EVA1A: variants seen among roughly 807,000 people sequenced by gnomAD.
EVA1A encodes the protein protein eva-1 homolog A.
Under a neutral mutation model 9.8 loss-of-function variants are expected in EVA1A, and 7 were observed. The observed-to-expected ratio is 0.71, with a 90% CI of 0.41 to 1.34. EVA1A has a LOEUF of 1.34. EVA1A is among the 40% of genes most tolerant of loss of function. The pLI is 0.01. For missense variants in EVA1A, 206 were observed against 205.9 expected (o/e 1.00, Z 0.00); for synonymous variants, 90 against 85.6 (o/e 1.05, Z -0.28).
rs77744835 is a variant in EVA1A, at chr2:75,540,145, G to A, written c.-191-17658C>T. On this transcript the variant is annotated intron_variant, in intron 1 of 3. Coordinates refer to ENST00000393913, the MANE Select transcript of EVA1A (RefSeq NM_001135032.2). ...AAGGCAGCCTTCCAGGTCAGCCCCTGCTATCAAGGGCAAAGCAGGAATCAG... is the reference window on the plus strand; with the variant it reads ...AAGGCAGCCTTCCAGGTCAGCCCCTACTATCAAGGGCAAAGCAGGAATCAG... 8.4e-4 allele frequency among the ~76,000 whole-genome samples: 128 copies of A among 152,362 alleles called. 2 individuals are homozygous for A. The highest frequency in any genetic ancestry group is 3.0e-3 in the African/African-American group (123 of 41,590).
chr2:75,517,964 A>T, intron 3 of EVA1A, 92 bp downstream of exon 3: 1 of 1,436,552 alleles, frequency 7.0e-7, no homozygotes, highest in South Asian at 1.2e-5. Context: ...GTGTGTCTTT[A>T]CTGAGAATAA....
At chr2:75,555,587 C>A (rs1360505428) in intron 1 of EVA1A, among the ~76,000 whole-genome samples, 1 of 152,106 alleles carries the variant, frequency 6.6e-6, no homozygotes, top group African/African-American at 2.4e-5. Flanking sequence ...CTCTCCCTGA[C>A]CCGTGGGCTC....
chr2:75,566,192 A>G (rs971667341), intron 1 of EVA1A, among the ~76,000 whole-genome samples: 1 of 152,246 alleles, frequency 6.6e-6, no homozygotes, highest in Non-Finnish European at 1.5e-5. Flanking sequence ...CAAAGGTCAA[A>G]GAATGCAGTA....
At chr2:75,528,385 C>G (rs1675528042) in intron 1 of EVA1A, among the ~76,000 whole-genome samples, 1 of 152,188 alleles carries the variant, frequency 6.6e-6, no homozygotes, top group African/African-American at 2.4e-5. Flanking sequence ...GGGGCAAGAT[C>G]TCAGCCCTGT....
At chr2:75,520,354 C>T (rs1055018987) in intron 2 of EVA1A, among the ~76,000 whole-genome samples, 1 of 152,126 alleles carries the variant, frequency 6.6e-6, no homozygotes, top group Admixed American at 6.5e-5. Flanking sequence ...TACTGAAATT[C>T]ATATGGAATC....
rs558954883 is a variant in EVA1A at position 75,538,370 on chromosome 2, A to G, written c.-191-15883T>C. Among the ~76,000 whole-genome samples, 5 of 152,308 alleles carry G rather than the reference A, an allele frequency of 3.3e-5. No individual in the cohort carries two copies. In the South Asian group the frequency reaches 1.0e-3, roughly 32 times the overall value. On this transcript the variant is annotated intron_variant, in intron 1 of 3. Coordinates refer to ENST00000393913, the MANE Select transcript of EVA1A (RefSeq NM_001135032.2). ...AGGCAACATAAACTTACAAAAATCA[A>G]CTGTATTTCCATATACTAAGAGTGA...
chr2:75,517,949 A>T, intron 3 of EVA1A, 107 bp downstream of exon 3: 2 of 1,277,166 alleles, frequency 1.6e-6, no homozygotes, highest in Non-Finnish European at 2.2e-6. Context: ...AGCTTTGATT[A>T]CGTAGTGTGT....
chr2:75,558,033 C>A (rs1194833080), intron 1 of EVA1A, among the ~76,000 whole-genome samples: 1 of 152,246 alleles, frequency 6.6e-6, no homozygotes, highest in African/African-American at 2.4e-5. Context: ...TGAATCTTGG[C>A]CCTACCGCTC....
At chr2:75,529,199 T>G (rs1320889339) in intron 1 of EVA1A, among the ~76,000 whole-genome samples, 3 of 151,988 alleles carry the variant, frequency 2.0e-5, no homozygotes, top group Non-Finnish European at 4.4e-5. Flanking sequence ...ACCCTAACAC[T>G]AACCTTAAAT....
At chr2:75,534,937 T>C (rs968734877) in intron 1 of EVA1A, among the ~76,000 whole-genome samples, 2 of 152,184 alleles carry the variant, frequency 1.3e-5, no homozygotes, top group African/African-American at 2.4e-5. Context: ...TGGTGAGAGA[T>C]AGGGATCCAG....
rs13013055 is a variant in EVA1A at position 75,527,793 on chromosome 2, C to T, written c.-191-5306G>A. Among the ~76,000 whole-genome samples, 1,320 of 152,186 alleles carry T rather than the reference C, an allele frequency of 8.7e-3. 10 individuals carry two copies. The highest frequency in any genetic ancestry group is 0.014 in the Non-Finnish European group (931 of 67,996). On this transcript the variant is annotated intron_variant, in intron 1 of 3. Transcript: ENST00000393913. ...CAATAATGAGGAGTGTTTGGAGACT[C>T]ACATTGTGAAATTTTGCTCCAAGAA...
chr2:75,537,808 A>G (rs1675969417), intron 1 of EVA1A, among the ~76,000 whole-genome samples: 1 of 152,162 alleles, frequency 6.6e-6, no homozygotes, highest in Admixed American at 6.5e-5. Flanking sequence ...TTCTTACCAT[A>G]CAACATGCCT....
chr2:75,566,782 T>G (rs1677036511), intron 1 of EVA1A, among the ~76,000 whole-genome samples: 1 of 152,336 alleles, frequency 6.6e-6, no homozygotes, highest in South Asian at 2.1e-4. Context: ...TAATGATAGG[T>G]TTTTAATCAA....
rs543734865 is a variant in EVA1A at position 75,493,699 on chromosome 2, A to C, written c.86-90T>G. 559 of 1,280,214 alleles carry C rather than the reference A, an allele frequency of 4.4e-4. 5 individuals carry two copies. In the South Asian group the frequency reaches 8.7e-3, roughly 20 times the overall value. 79.3% of individuals were successfully genotyped at this position (1,280,214 alleles called of 1,614,324 possible). A position where few individuals can be genotyped will look rare whatever the true frequency, so the allele number is the denominator to read the frequency against. On this transcript the variant is annotated intron_variant, in intron 3 of 3. Transcript: ENST00000393913. ...ATGACTCCAGCCTACACTTCTCACC[A>C]GGCCCCAAAGTTTTGATGGTTACAA...
At chr2:75,531,987 G>A (rs1178098588) in intron 1 of EVA1A, among the ~76,000 whole-genome samples, 1 of 151,588 alleles carries the variant, frequency 6.6e-6, no homozygotes, top group Non-Finnish European at 1.5e-5. Context: ...GTGAAACCCC[G>A]TCTCTACTAA....
intron 1 of EVA1A, among the ~76,000 whole-genome samples, chr2:75,532,333 G>T (rs1005145174): frequency 6.6e-6 from 1 of 152,106 alleles, no homozygotes; most frequent in Non-Finnish European, 1.5e-5. Context: ...TTGTAACACA[G>T]CCAGTGTTTA....
intron 3 of EVA1A, among the ~76,000 whole-genome samples, chr2:75,499,814 G>A (rs1674345242): frequency 6.6e-6 from 1 of 152,182 alleles, no homozygotes; most frequent in South Asian, 2.1e-4. Flanking sequence ...CTAAGTCCCT[G>A]TTGGTCTAAA....
intron 1 of EVA1A, among the ~76,000 whole-genome samples, chr2:75,546,823 G>A (rs895933610): frequency 6.9e-6 from 1 of 145,458 alleles, no homozygotes; most frequent in Non-Finnish European, 1.5e-5. Context: ...TATAACTGGT[G>A]TTCTTATAAA....
At chr2:75,494,488 G>C (rs1674138797) in intron 3 of EVA1A, among the ~76,000 whole-genome samples, 1 of 152,210 alleles carries the variant, frequency 6.6e-6, no homozygotes, top group Non-Finnish European at 1.5e-5. Flanking sequence ...TGCTGGTTCT[G>C]ATGAAGCCAG....
Sources: gnomAD v4.1 joint callset for allele counts (sites outside exome capture counted in the v4.1 genomes callset) on GRCh38, gnomAD v4.1.1 for gene constraint, MANE v1.5 for transcripts, NCBI Gene and HGNC (gene_info 2026-07-23, HGNC 2026-07-21) for gene names.